CTNNA3: variants seen among roughly 807,000 people sequenced by gnomAD.
CTNNA3 encodes the protein catenin alpha 3, also known as catenin alpha-3.
In CTNNA3, 76 loss-of-function variants were observed where a neutral mutation model predicts 95.7. That is an observed-to-expected ratio of 0.79 (90% confidence interval 0.66 to 0.96). The LOEUF is 0.96. Ranked by LOEUF, CTNNA3 falls within the 40% of genes least tolerant of loss-of-function variation. The probability of loss-of-function intolerance (pLI) is 0.00; values close to 1 mark genes in which losing one functional copy is unlikely to be tolerated. For synonymous variants in CTNNA3, 431 were observed against 374.4 expected (o/e 1.15, Z -1.74); for missense variants, 1,191 against 1,089.8 (o/e 1.09, Z -1.31).
At chr10:66,273,351 G>T (rs1242897626) in intron 13 of CTNNA3, among the ~76,000 whole-genome samples, 1 of 152,106 alleles carries the variant, frequency 6.6e-6, no homozygotes, top group Non-Finnish European at 1.5e-5. Context: ...AACAGCATGA[G>T]GTTTCATCAC....
rs1196927602 is a variant in CTNNA3 at position 67,727,081 on chromosome 10, TATG to T, written c.-2+36350_-2+36352del. Among the ~76,000 whole-genome samples, 7 of 109,552 alleles carry T rather than the reference TATG, an allele frequency of 6.4e-5. No individual in the cohort carries two copies. The East Asian group carries it at 9.3e-4, about 15-fold the overall frequency. 71.9% of individuals were successfully genotyped at this position (109,552 alleles called of 152,430 possible). On this transcript the variant is annotated intron_variant, in intron 1 of 17. Coordinates refer to the CTNNA3 transcript ENST00000684154. The stretch of plus-strand genomic sequence containing the variant: ...AATTATATATAATATATGATACATA[TATG>T]ATATAATTATATATAATATATGATA...
rs904911832 is a variant in CTNNA3, at chr10:67,333,963, A to G, written c.580-114093T>C. On this transcript the variant is annotated intron_variant, in intron 5 of 17. Transcript: ENST00000433211. ...AGTCTTCCATAAGGACATTGAGGAAATAGCTGTACATATGCAATATATTTT... is the reference window on the plus strand; with the variant it reads ...AGTCTTCCATAAGGACATTGAGGAAGTAGCTGTACATATGCAATATATTTT... Among the ~76,000 whole-genome samples, 20 of 152,200 alleles carry G rather than the reference A, an allele frequency of 1.3e-4. 1 individual carries two copies. The highest frequency in any genetic ancestry group is 4.6e-4 in the African/African-American group (19 of 41,450).
intron 15 of CTNNA3, among the ~76,000 whole-genome samples, chr10:65,989,787 T>C (rs941679939): frequency 6.6e-6 from 1 of 152,152 alleles, no homozygotes; most frequent in Non-Finnish European, 1.5e-5. Flanking sequence ...ATAGTCATCC[T>C]ACTCAACTAT....
intron 11 of CTNNA3, among the ~76,000 whole-genome samples, chr10:66,496,695 A>G (rs919935957): frequency 1.3e-5 from 2 of 152,214 alleles, no homozygotes; most frequent in African/African-American, 2.4e-5. Flanking sequence ...TTTAGTTGAC[A>G]GTGAACACAC....
intron 7 of CTNNA3, among the ~76,000 whole-genome samples, chr10:67,071,705 C>T (rs1448569646): frequency 2.0e-5 from 3 of 152,106 alleles, no homozygotes; most frequent in East Asian, 3.9e-4. Context: ...TGCATCTCCC[C>T]GTGTATTCTC....
At chr10:65,982,300 C>G (rs1379712766) in intron 16 of CTNNA3, among the ~76,000 whole-genome samples, 1 of 150,958 alleles carries the variant, frequency 6.6e-6, no homozygotes. Context: ...CAACGAGATA[C>G]CACCTTACTC....
rs1021892214 is a variant in CTNNA3 at position 67,705,193 on chromosome 10, G to C, written c.-1-57679C>G. On this transcript the variant is annotated intron_variant, in intron 1 of 17. Transcript: ENST00000684154. The stretch of plus-strand genomic sequence containing the variant: ...ACACTGTTGGTGGGACTGTAAACTA[G>C]TTCAACCATTGTGGAAGACAGTGTG... 2.6e-3 allele frequency among the ~76,000 whole-genome samples: 394 copies of C among 152,118 alleles called. 1 individual carries two copies. Among genetic ancestry groups the C allele is most frequent in the African/African-American group, 8.6e-3 (355 of 41,508 alleles).
chr10:66,345,807 G>A (rs1271659326), intron 12 of CTNNA3, among the ~76,000 whole-genome samples: 1 of 151,926 alleles, frequency 6.6e-6, no homozygotes, highest in Admixed American at 6.6e-5. Context: ...ATGGCGTGGT[G>A]GCTCACACCT....
chr10:67,513,821 T>A (rs938330351), intron 5 of CTNNA3, among the ~76,000 whole-genome samples: 1 of 152,154 alleles, frequency 6.6e-6, no homozygotes, highest in African/African-American at 2.4e-5. Flanking sequence ...AAAAGAATGC[T>A]TTTCATACTA....
chr10:66,036,420 C>A (rs1295658712), intron 15 of CTNNA3, among the ~76,000 whole-genome samples: 1 of 152,162 alleles, frequency 6.6e-6, no homozygotes, highest in Non-Finnish European at 1.5e-5. Context: ...GTTGCCCAGG[C>A]TGGAGTCTCA....
At chr10:67,301,441 G>A (rs1282946421) in intron 5 of CTNNA3, among the ~76,000 whole-genome samples, 1 of 152,108 alleles carries the variant, frequency 6.6e-6, no homozygotes, top group Admixed American at 6.6e-5. Flanking sequence ...AAACAGCATG[G>A]AGAGTCCTCA....
At chr10:67,282,673 G>C (rs1415699995) in intron 5 of CTNNA3, among the ~76,000 whole-genome samples, 2 of 152,162 alleles carry the variant, frequency 1.3e-5, no homozygotes, top group Non-Finnish European at 2.9e-5. Flanking sequence ...TTTTGAGGCA[G>C]CTCCAAATCC....
At chr10:66,763,280 G>A (rs1839676291) in intron 9 of CTNNA3, among the ~76,000 whole-genome samples, 1 of 147,670 alleles carries the variant, frequency 6.8e-6, no homozygotes, top group African/African-American at 2.5e-5. Flanking sequence ...GGAGATAAAT[G>A]CAGTACTTTT....
chr10:66,575,317 G>A (rs1842974908), intron 10 of CTNNA3, among the ~76,000 whole-genome samples: 2 of 152,128 alleles, frequency 1.3e-5, no homozygotes, highest in Non-Finnish European at 2.9e-5. Flanking sequence ...ACAGAGGTAA[G>A]AAATACTAGG....
intron 12 of CTNNA3, among the ~76,000 whole-genome samples, chr10:66,362,098 T>C (rs2092680418): frequency 2.3e-4 from 2 of 8,620 alleles, no homozygotes; most frequent in African/African-American, 3.3e-4. Flanking sequence ...CATACACAAT[T>C]TTTTTTTTTT....
intron 5 of CTNNA3, among the ~76,000 whole-genome samples, chr10:67,481,704 G>A (rs13313134): frequency 2.0e-5 from 3 of 152,206 alleles, no homozygotes; most frequent in Non-Finnish European, 2.9e-5. Context: ...TAGGTTGCCT[G>A]TTCACTCTGA....
At chr10:66,986,610 C>T (rs1000304846) in intron 7 of CTNNA3, among the ~76,000 whole-genome samples, 5 of 152,086 alleles carry the variant, frequency 3.3e-5, no homozygotes, top group East Asian at 1.9e-4. Context: ...GAGAATGATA[C>T]AAAATGATAC....
chr10:65,937,467 A>G (rs1181777891), intron 17 of CTNNA3, among the ~76,000 whole-genome samples: 1 of 152,132 alleles, frequency 6.6e-6, no homozygotes, highest in Non-Finnish European at 1.5e-5. Flanking sequence ...CCATGAGTAG[A>G]TGTTTGCCTT....
At chr10:67,700,428 A>C (rs1841027167), upstream of CTNNA3, among the ~76,000 whole-genome samples, 1 of 152,104 alleles carries the variant, frequency 6.6e-6, no homozygotes. Context: ...CTGAGACAAA[A>C]CTTGCAGAGG....
Sources: gnomAD v4.1 joint callset for allele counts (sites outside exome capture counted in the v4.1 genomes callset) on GRCh38, gnomAD v4.1.1 for gene constraint, MANE v1.5 for transcripts, NCBI Gene and HGNC (gene_info 2026-07-23, HGNC 2026-07-21) for gene names.